The following HCK variants were observed in gnomAD, a reference collection of about 807,000 sequenced individuals.
HCK encodes the protein HCK proto-oncogene, Src family tyrosine kinase.
In HCK, 40 loss-of-function variants were observed where a neutral mutation model predicts 70.4. The observed-to-expected ratio is 0.57, with a 90% CI of 0.44 to 0.74. The LOEUF is 0.74. Among genes scored for constraint, HCK ranks in the 30% least tolerant of loss-of-function variants. HCK has a pLI of 0.00. For synonymous variants in HCK, 245 were observed against 263.2 expected (o/e 0.93, Z 0.67); for missense variants, 568 against 697.2 (o/e 0.81, Z 2.09).
At chr20:32,066,689 A>C (rs1049807460) in intron 1 of HCK, among the ~76,000 whole-genome samples, 1 of 152,178 alleles carries the variant, frequency 6.6e-6, no homozygotes, top group Non-Finnish European at 1.5e-5. Flanking sequence ...GTTTCTGTCA[A>C]CAGACAATTT....
In HCK at chr20:32,086,209, C is replaced by T. The variant is rs186833714; in HGVS notation, c.836-419C>T. On this transcript the variant is annotated intron_variant, in intron 8 of 12. Coordinates refer to ENST00000375852, the MANE Select transcript of HCK (RefSeq NM_002110.5). ...TAATTTTTTGTATTTTTAGTAGAGA[C>T]GGGGTTTCACCGTGTTAGCCAGGAT... Among the ~76,000 whole-genome samples the T allele has an allele frequency of 7.7e-4, 117 of 152,240 alleles. 1 individual carries two copies. The highest frequency in any genetic ancestry group is 2.6e-3 in the African/African-American group (108 of 41,540).
chr20:32,052,299 GGACTCA>G lies in HCK; in HGVS notation c.-122_-117del. On this transcript the variant is annotated 5_prime_UTR_variant, in exon 1 of 13. Coordinates refer to ENST00000375852, the MANE Select transcript of HCK (RefSeq NM_002110.5). Reference sequence around the variant, plus strand: ...CAGAGGCTTAGAGGCGAGTGGGAAGGGACTCAGACAGTGCAGGACGAGAAACGCCCG... The same window carrying G: ...CAGAGGCTTAGAGGCGAGTGGGAAGGGACAGTGCAGGACGAGAAACGCCCG... 1.6e-6 allele frequency: 1 copy of G among 623,442 alleles called. No individual in the cohort carries two copies. The highest frequency in any genetic ancestry group is 2.4e-6 in the Non-Finnish European group (1 of 416,600). The allele number at this position is 623,442 out of a possible 1,614,324, so 38.6% of individuals were successfully genotyped here. A position where few individuals can be genotyped will look rare whatever the true frequency, so the allele number is the denominator to read the frequency against.
At chr20:32,083,316 C>G (rs73906733) in intron 6 of HCK, among the ~76,000 whole-genome samples, 5,119 of 152,254 alleles carry the variant, frequency 0.034, 250 homozygotes, top group African/African-American at 0.11. Context: ...TTCCCAGGTT[C>G]CAGGGTTTAG....
chr20:32,074,835 G>C (rs1055810292), intron 5 of HCK, 114 bp downstream of exon 5: 1 of 723,778 alleles, frequency 1.4e-6, no homozygotes, highest in South Asian at 1.7e-5. Context: ...TCTTCCCAGG[G>C]CTCTGGGCTT....
In HCK at chr20:32,101,403, A is replaced by G. The variant is rs760982143; in HGVS notation, c.1465A>G (p.Ile489Val). Reference sequence around the variant, plus strand: ...GAACTGCCCAGAGGAGCTCTACAACATCATGATGCGCTGCTGGAAAAACCG... The same window carrying G: ...GAACTGCCCAGAGGAGCTCTACAACGTCATGATGCGCTGCTGGAAAAACCG... The change falls in exon 13 of 13, where the codon ATC (isoleucine) becomes GTC (valine). Residue 489 changes from isoleucine (I) to valine (V), a missense_variant. Ile to Val is a conservative substitution (Grantham distance 29). Transcript: ENST00000375852. The G allele has an allele frequency of 2.5e-6, 4 of 1,614,160 alleles. No homozygotes were observed. The highest frequency in any genetic ancestry group is 8.5e-7 in the Non-Finnish European group (1 of 1,180,018).
intron 1 of HCK, among the ~76,000 whole-genome samples, chr20:32,065,073 T>C (rs1039418108): frequency 6.6e-6 from 1 of 152,212 alleles, no homozygotes; most frequent in African/African-American, 2.4e-5. Flanking sequence ...AAGCAAGGCC[T>C]CCTATTTAGC....
chr20:32,057,810 G>T (rs148149505), intron 1 of HCK, among the ~76,000 whole-genome samples: 3 of 152,190 alleles, frequency 2.0e-5, no homozygotes, highest in African/African-American at 7.2e-5. Context: ...ACCACATGTT[G>T]GTCCCCACCC....
Position 32,101,835 on chromosome 20 carries a change from A to G in HCK, c.*316A>G. ...AATGAATATTTAAATAAAAGATATA[A>G]ATGCCAAAGTCTTTACCAAAACGTT... On this transcript the variant is annotated 3_prime_UTR_variant, in exon 13 of 13. Coordinates refer to ENST00000375852, the MANE Select transcript of HCK (RefSeq NM_002110.5). The G allele has an allele frequency of 4.1e-6, 1 of 243,862 alleles. No individual in the cohort carries two copies. The allele number at this position is 243,862 out of a possible 1,614,324, so 15.1% of individuals were successfully genotyped here.
intron 5 of HCK, 126 bp downstream of exon 5, chr20:32,074,847 G>C: frequency 1.5e-6 from 1 of 659,736 alleles, no homozygotes; most frequent in Non-Finnish European, 2.7e-6. Flanking sequence ...TCTGGGCTTG[G>C]CTGGCTCCTT....
At chr20:32,078,879 A>AAAG (rs1568987292) in intron 5 of HCK, among the ~76,000 whole-genome samples, 1 of 135,004 alleles carries the variant, frequency 7.4e-6, no homozygotes, top group African/African-American at 2.9e-5. Context: ...AAAAAAAAAA[A>AAAG]GGGGGGGAAT....
In HCK at chr20:32,088,657, C is replaced by T. The variant is rs199570263; in HGVS notation, c.1092+13C>T. 181 of 1,607,974 alleles carry T rather than the reference C, an allele frequency of 1.1e-4. 3 individuals are homozygous for T. In the East Asian group the frequency reaches 2.5e-3, roughly 23 times the overall value. ...CTTCTCAGCCCAGGTGAGAGCCTAA[C>T]GAGGAAACGGGGAAGGGAAACAGGA... On this transcript the variant is annotated intron_variant, in intron 10 of 12. Transcript: ENST00000375852.
At chr20:32,056,487 G>T (rs1279706309) in intron 1 of HCK, among the ~76,000 whole-genome samples, 1 of 151,442 alleles carries the variant, frequency 6.6e-6, no homozygotes, top group African/African-American at 2.4e-5. Flanking sequence ...CTGCACTCTA[G>T]CCTGGGCGAC....
In HCK at chr20:32,072,796, C is replaced by T. The variant is rs371304588; in HGVS notation, c.184-523C>T. 8.5e-5 allele frequency among the ~76,000 whole-genome samples: 13 copies of T among 152,152 alleles called. No individual in the cohort carries two copies. The East Asian group carries it at 1.9e-3, about 23-fold the overall frequency. ...AGGGGTCAAGCAGCATCCCCCGGTACATCCAAGACCGAAGGCCGAGGTCAC... is the reference window on the plus strand; with the variant it reads ...AGGGGTCAAGCAGCATCCCCCGGTATATCCAAGACCGAAGGCCGAGGTCAC... On this transcript the variant is annotated intron_variant, in intron 2 of 12. Coordinates refer to ENST00000375852, the MANE Select transcript of HCK (RefSeq NM_002110.5).
In HCK at chr20:32,101,443, C is replaced by G. The variant is rs17093828; in HGVS notation, c.1505C>G (p.Pro502Arg). The G allele has an allele frequency of 4.3e-6, 7 of 1,613,994 alleles. No homozygotes were observed. The highest frequency in any genetic ancestry group is 5.9e-6 in the Non-Finnish European group (7 of 1,180,006). Residue 502 changes from proline (P) to arginine (R), a missense_variant, in exon 13 of 13, where the codon CCG becomes CGG. Pro to Arg is a moderately radical substitution (Grantham distance 103). Transcript: ENST00000375852. ...TGGAAAAACCGTCCGGAGGAGCGGC[C>G]GACCTTCGAATACATCCAGAGTGTG...
intron 8 of HCK, among the ~76,000 whole-genome samples, chr20:32,085,132 G>T (rs2045765290): frequency 6.6e-6 from 1 of 152,250 alleles, no homozygotes; most frequent in African/African-American, 2.4e-5. Flanking sequence ...CCAAATGGGA[G>T]CGAAGACAAC....
intron 1 of HCK, among the ~76,000 whole-genome samples, chr20:32,066,316 T>C: frequency 1.5e-5 from 1 of 68,560 alleles, no homozygotes; most frequent in African/African-American, 4.2e-5. Context: ...TTTTTTTTTT[T>C]TTTTTTTTTT....
chr20:32,060,543 T>C (rs908178075), intron 1 of HCK, among the ~76,000 whole-genome samples: 36 of 152,160 alleles, frequency 2.4e-4, no homozygotes, highest in African/African-American at 8.0e-4. Context: ...GCACCTGGCC[T>C]ATTTATAGCT....
At chr20:32,058,980 T>G (rs937401710) in intron 1 of HCK, among the ~76,000 whole-genome samples, 2 of 152,190 alleles carry the variant, frequency 1.3e-5, no homozygotes, top group Non-Finnish European at 2.9e-5. Context: ...TCTAGCACTT[T>G]CGGCTTGCCA....
At chr20:32,075,740 A>G (rs1023606732) in intron 5 of HCK, among the ~76,000 whole-genome samples, 4 of 151,982 alleles carry the variant, frequency 2.6e-5, no homozygotes, top group Admixed American at 2.0e-4. Context: ...CCATCCATCC[A>G]TCATCCAACA....
Sources: allele counts gnomAD v4.1 joint callset (sites outside exome capture counted in the v4.1 genomes callset), GRCh38; gene constraint gnomAD v4.1.1; transcripts MANE v1.5; gene names NCBI Gene and HGNC (gene_info 2026-07-23, HGNC 2026-07-21).